RNF216: variants seen among roughly 807,000 people sequenced by gnomAD.
RNF216 encodes E3 ubiquitin-protein ligase RNF216.
A neutral mutation model predicts 110.8 loss-of-function variants in RNF216; 72 were observed. That is an observed-to-expected ratio of 0.65 (90% CI 0.54 to 0.79). The LOEUF (loss-of-function observed/expected upper bound fraction) is 0.79. Ranked by LOEUF, RNF216 falls within the 30% of genes least tolerant of loss-of-function variation. The pLI is 0.00. For missense variants in RNF216, 1,342 were observed against 1,141.2 expected, an observed-to-expected ratio of 1.18 and a Z score of -2.54; for synonymous variants, 495 against 407.5, an observed-to-expected ratio of 1.21 and a Z score of -2.59.
intron 13 of RNF216, among the ~76,000 whole-genome samples, chr7:5,670,094 T>G (rs1304098615): frequency 6.6e-6 from 1 of 151,754 alleles, no homozygotes; most frequent in Non-Finnish European, 1.5e-5. Context: ...GCCCAGCTAT[T>G]TATTTATTTA....
At chr7:5,762,165 TAA>T (rs906770633) in intron 1 of RNF216, among the ~76,000 whole-genome samples, 7 of 152,238 alleles carry the variant, frequency 4.6e-5, no homozygotes, top group Admixed American at 2.6e-4. Context: ...TAAATGAAAA[TAA>T]GTGTGATACC....
chr7:5,662,272 G>A (rs1789197360), intron 13 of RNF216, among the ~76,000 whole-genome samples: 1 of 152,212 alleles, frequency 6.6e-6, no homozygotes, highest in Non-Finnish European at 1.5e-5. Context: ...GGAAGTAGCT[G>A]TTCCTGCCAC....
rs1158467275 is a variant in RNF216, at chr7:5,680,883, TC to T, written c.2062-28374del. On this transcript the variant is annotated intron_variant, in intron 13 of 16. Transcript: ENST00000389902. This position sits in a 1 kb window ranked among gnomAD's most constrained non-coding sequence, Gnocchi z 4.3. ...ACTCATTCCAGCTTGTCCTTTCTGT[TC>T]CGCCTCCAAAATGCACCTCACATCT... 2.6e-5 allele frequency among the ~76,000 whole-genome samples: 4 copies of T among 152,152 alleles called. No homozygotes were observed. The highest frequency in any genetic ancestry group is 5.9e-5 in the Non-Finnish European group (4 of 68,026).
At chr7:5,634,962 C>G (rs1036965082) in intron 15 of RNF216, among the ~76,000 whole-genome samples, 3 of 152,246 alleles carry the variant, frequency 2.0e-5, no homozygotes, top group Non-Finnish European at 2.9e-5. Flanking sequence ...GAGGTCCCCA[C>G]CCCTCTGCAA....
intron 13 of RNF216, among the ~76,000 whole-genome samples, chr7:5,692,493 G>GAATTCCC (rs1435548385): frequency 6.6e-6 from 1 of 152,152 alleles, no homozygotes; most frequent in Non-Finnish European, 1.5e-5. Context: ...ATTCCCGCGG[G>GAATTCCC]GCCCTGACTT....
intron 13 of RNF216, among the ~76,000 whole-genome samples, chr7:5,663,030 C>T (rs1288421132): frequency 6.6e-6 from 1 of 152,184 alleles, no homozygotes; most frequent in Non-Finnish European, 1.5e-5. Context: ...TCTCCTCTGG[C>T]AACACCTACT....
intron 16 of RNF216, 85 bp downstream of exon 16, chr7:5,623,971 A>G: frequency 8.5e-7 from 1 of 1,180,676 alleles, no homozygotes; most frequent in East Asian, 2.4e-5. Flanking sequence ...TGCTGGGTTG[A>G]GTGCCAGGAC....
At chr7:5,738,871 C>T (rs149828912) in intron 5 of RNF216, among the ~76,000 whole-genome samples, 1,930 of 152,258 alleles carry the variant, frequency 0.013, 26 homozygotes, top group South Asian at 0.032. Flanking sequence ...AATTCTATAA[C>T]CATGCAGTAT....
rs1271593905 is a variant in RNF216 at position 5,722,492 on chromosome 7, G to A, written c.1505-1320C>T. ...GTCAGCTCCGCCCCCCGGGGTTCAC[G>A]CCATTCTCCTGCCTCAGCCTCCCGA... On this transcript the variant is annotated intron_variant, in intron 8 of 16. Coordinates refer to ENST00000389902, the MANE Select transcript of RNF216 (RefSeq NM_207111.4). Among the ~76,000 whole-genome samples, 11 of 151,352 alleles carry A rather than the reference G, an allele frequency of 7.3e-5. No individual in the cohort carries two copies. In the South Asian group the frequency reaches 1.7e-3, roughly 23 times the overall value.
chr7:5,645,828 G>C (rs530328670), intron 14 of RNF216, among the ~76,000 whole-genome samples: 1 of 152,284 alleles, frequency 6.6e-6, no homozygotes, highest in East Asian at 1.9e-4. Context: ...GACCTCAAGT[G>C]ATCCGCCCAC....
rs773335873 is a variant in RNF216, at chr7:5,641,128, C to T, written c.2382+26G>A. ...ATATTTCTATTTTCTCCCTATAAAG[C>T]AATAGGCAGCCATGTGTCTACTTAC... On this transcript the variant is annotated intron_variant, in intron 15 of 16. Coordinates refer to ENST00000389902, the MANE Select transcript of RNF216 (RefSeq NM_207111.4). The T allele has an allele frequency of 6.0e-6, 9 of 1,505,080 alleles. No individual in the cohort carries two copies. The Admixed American group carries it at 1.5e-4, about 26-fold the overall frequency. The allele number at this position is 1,505,080 out of a possible 1,614,324, so 93.2% of individuals were successfully genotyped here.
intron 1 of RNF216, among the ~76,000 whole-genome samples, chr7:5,767,341 G>T (rs1056552968): frequency 6.6e-6 from 1 of 152,168 alleles, no homozygotes; most frequent in Non-Finnish European, 1.5e-5. Flanking sequence ...TGGACCTGAG[G>T]CAGAAGCAGC....
At chr7:5,692,041 A>G (rs1433886739) in intron 13 of RNF216, among the ~76,000 whole-genome samples, 2 of 152,228 alleles carry the variant, frequency 1.3e-5, no homozygotes, top group Admixed American at 6.5e-5. Context: ...GGATTTCAAA[A>G]GGTATAATTT....
chr7:5,753,739 G>A (rs1795453433), intron 2 of RNF216, among the ~76,000 whole-genome samples: 1 of 152,222 alleles, frequency 6.6e-6, no homozygotes, highest in African/African-American at 2.4e-5. Context: ...GCTCACGCCT[G>A]TAATCCCAGC....
intron 1 of RNF216, among the ~76,000 whole-genome samples, chr7:5,765,601 G>A (rs1211856441): frequency 1.3e-5 from 2 of 151,640 alleles, no homozygotes; most frequent in Non-Finnish European, 2.9e-5. Context: ...CTGCACTCCA[G>A]CCAGGGTGAG....
In RNF216 at chr7:5,624,912, G is replaced by C. The variant is rs941525602; in HGVS notation, c.2383-787C>G. Among the ~76,000 whole-genome samples, 1 of 152,214 alleles carries C rather than the reference G, an allele frequency of 6.6e-6. No individual in the cohort carries two copies. Among genetic ancestry groups the C allele is most frequent in the Non-Finnish European group, 1.5e-5 (1 of 68,038 alleles). On this transcript the variant is annotated intron_variant, in intron 15 of 16. Transcript: ENST00000389902. This position sits in a 1 kb window ranked among gnomAD's most constrained non-coding sequence, Gnocchi z 4.4. ...CACCTGCCAGCAGACACCATGGTGG[G>C]AGGACCGGGCTGCTGCCTCAGGACA...
At chr7:5,641,400 G>A (rs1388360662) in intron 14 of RNF216, 24 bp from the exon 15 acceptor site, 1 of 1,591,990 alleles carries the variant, frequency 6.3e-7, no homozygotes, top group Non-Finnish European at 8.6e-7. Flanking sequence ...ACATAATTTG[G>A]AGCTGGGAGG....
rs1334255683 is a variant in RNF216, at chr7:5,729,615, A to T, written c.1225-19T>A. ...TAGGCAACTGAAATGAGAGAGAAGC[A>T]TAAAATCAGAGGCCAGGCAGTACAT... On this transcript the variant is annotated intron_variant, in intron 6 of 16. Coordinates refer to ENST00000389902, the MANE Select transcript of RNF216 (RefSeq NM_207111.4). The T allele has an allele frequency of 6.2e-7, 1 of 1,607,074 alleles. No individual in the cohort carries two copies. Among genetic ancestry groups the T allele is most frequent in the Non-Finnish European group, 8.5e-7 (1 of 1,174,048 alleles).
chr7:5,773,278 T>C (rs1436084968), intron 1 of RNF216, among the ~76,000 whole-genome samples: 3 of 151,816 alleles, frequency 2.0e-5, no homozygotes, highest in Non-Finnish European at 4.4e-5. Flanking sequence ...AGTCTCCCAC[T>C]GTCACCTGGG....
Sources: gnomAD v4.1 joint callset for allele counts (sites outside exome capture counted in the v4.1 genomes callset) on GRCh38, gnomAD v4.1.1 for gene constraint, Gnocchi (gnomAD v3.1) non-coding constraint, MANE v1.5 for transcripts, NCBI Gene and HGNC (gene_info 2026-07-23, HGNC 2026-07-21) for gene names.